The following DNAI4 variants were observed in gnomAD, a reference collection of about 807,000 sequenced individuals.
DNAI4 encodes the protein dynein axonemal intermediate chain 4.
DNAI4 carries 85 observed loss-of-function variants against 105.8 expected under a neutral mutation model. The ratio of observed to expected loss-of-function variants is 0.80; its 90% CI spans 0.67 to 0.96. DNAI4 has a LOEUF of 0.96. DNAI4 is among the 40% of genes least tolerant of loss of function. The pLI, the probability that DNAI4 is intolerant of heterozygous loss-of-function variation, is 0.00. For missense variants in DNAI4, 1,014 were observed against 1,005.6 expected (o/e 1.01, Z -0.11); for synonymous variants, 352 against 331.5 (o/e 1.06, Z -0.67).
At chr1:66,883,937 A>G (rs536191260) in intron 4 of DNAI4, among the ~76,000 whole-genome samples, 25 of 152,280 alleles carry the variant, frequency 1.6e-4, no homozygotes, top group African/African-American at 6.0e-4. Context: ...TTAAAAAAAC[A>G]TACTTCTCCT....
At chr1:66,873,316 A>C (rs1569692165) in intron 5 of DNAI4, among the ~76,000 whole-genome samples, 1 of 148,036 alleles carries the variant, frequency 6.8e-6, no homozygotes. Context: ...AACACAGCTC[A>C]CTGCAGCCAC....
At chr1:66,873,802 C>T (rs565258983) in intron 5 of DNAI4, among the ~76,000 whole-genome samples, 3 of 151,710 alleles carry the variant, frequency 2.0e-5, no homozygotes, top group African/African-American at 7.3e-5. Flanking sequence ...AGCATTTCTC[C>T]CCTTCTGATT....
At chr1:66,915,423 A>G in intron 1 of DNAI4, among the ~76,000 whole-genome samples, 1 of 152,220 alleles carries the variant, frequency 6.6e-6, no homozygotes, top group Non-Finnish European at 1.5e-5. Context: ...TCTCAGTTAT[A>G]ATTTTGCAAT....
chr1:66,871,357 T>C lies in DNAI4; in HGVS notation c.940+13A>G, dbSNP rs1284471637. On this transcript the variant is annotated intron_variant, in intron 6 of 16. Transcript: ENST00000371026. ...GAACATTATAGTTTATCAAGCAGAATGATAGAAATTACCTTTATCTTCCAT... is the reference window on the plus strand; with the variant it reads ...GAACATTATAGTTTATCAAGCAGAACGATAGAAATTACCTTTATCTTCCAT... 6.3e-7 allele frequency: 1 copy of C among 1,596,672 alleles called. No homozygotes were observed. Among genetic ancestry groups the C allele is most frequent in the Non-Finnish European group, 8.5e-7 (1 of 1,170,884 alleles).
chr1:66,847,717 A>G (rs1263673544), intron 7 of DNAI4, 39 bp from the exon 8 acceptor site: 12 of 1,429,032 alleles, frequency 8.4e-6, no homozygotes, highest in Non-Finnish European at 1.2e-5. Flanking sequence ...AAAATATTCA[A>G]ATGGATGGTT....
At chr1:66,862,549 T>C (rs1322336204) in intron 6 of DNAI4, among the ~76,000 whole-genome samples, 1 of 152,172 alleles carries the variant, frequency 6.6e-6, no homozygotes, top group Admixed American at 6.6e-5. Flanking sequence ...GACAACATGG[T>C]AAGACCCTCT....
chr1:66,883,906 C>T (rs1424838728), intron 4 of DNAI4, among the ~76,000 whole-genome samples: 1 of 152,064 alleles, frequency 6.6e-6, no homozygotes, highest in Non-Finnish European at 1.5e-5. Context: ...ACTATATTTA[C>T]CACATTATGC....
Position 66,822,471 on chromosome 1 carries a change from T to C in DNAI4, c.2386A>G (p.Thr796Ala). 1 of 1,612,822 alleles carries C rather than the reference T, an allele frequency of 6.2e-7. No homozygotes were observed. Among genetic ancestry groups the C allele is most frequent in the South Asian group, 1.1e-5 (1 of 90,850 alleles). ...GTTTGTTTGGCAAAGAGAATGGTTG[T>C]GAACTTGATTCCAGGGTTAGCAGTA... ...VNTANPGIKF[T>A]TILFAKQTDC... Residue 796 changes from threonine (T) to alanine (A), a missense_variant, in exon 16 of 17, where the codon ACA becomes GCA. By Grantham distance (58) the Thr-to-Ala change is moderately conservative. Transcript: ENST00000371026.
chr1:66,847,762 T>A, intron 7 of DNAI4, 84 bp from the exon 8 acceptor site: 1 of 1,120,774 alleles, frequency 8.9e-7, no homozygotes, highest in Non-Finnish European at 1.3e-6. Context: ...TGACATTTCA[T>A]CATTTGTATT....
intron 4 of DNAI4, among the ~76,000 whole-genome samples, chr1:66,879,981 G>A (rs1361878859): frequency 4.7e-5 from 7 of 149,918 alleles, no homozygotes; most frequent in Admixed American, 2.0e-4. Context: ...AATTAAGGGG[G>A]TGGGTCTTTC....
At position 66,834,136 on chromosome 1, in the gene DNAI4, T is replaced by C. The variant is rs369052474; in HGVS notation, c.1746A>G (p.Gln582=). The C allele has an allele frequency of 4.4e-6, 7 of 1,602,704 alleles. No homozygotes were observed. The African/African-American group carries it at 9.4e-5, about 22-fold the overall frequency. The change falls in exon 12 of 17, where the codon CAA becomes CAG. Residue 582 remains glutamine (Q), a synonymous_variant. Transcript: ENST00000371026. ...VPVLDSSESP[Q]KHLGPVWQLQ... The stretch of plus-strand genomic sequence containing the variant: ...GTTGCCATACAGGTCCCAAATGTTT[T>C]TGAGGTGATTCACTAAAACAGTAAA...
At chr1:66,842,892 C>T (rs897035419) in intron 8 of DNAI4, among the ~76,000 whole-genome samples, 1 of 151,940 alleles carries the variant, frequency 6.6e-6, no homozygotes, top group Non-Finnish European at 1.5e-5. Context: ...ATTTGCAATT[C>T]CCTAATGAAA....
intron 1 of DNAI4, among the ~76,000 whole-genome samples, chr1:66,916,122 T>C (rs1650055636): frequency 2.1e-5 from 3 of 145,598 alleles, no homozygotes. Context: ...ATGGTAAATT[T>C]AGTCCTAAAA....
chr1:66,887,421 G>A (rs538050744), intron 4 of DNAI4, among the ~76,000 whole-genome samples: 8 of 152,170 alleles, frequency 5.3e-5, no homozygotes, highest in Non-Finnish European at 8.8e-5. Context: ...CTCTCTACAT[G>A]TAAGAACAGA....
intron 7 of DNAI4, 165 bp from the exon 8 acceptor site, chr1:66,847,843 A>T: frequency 3.4e-6 from 2 of 584,748 alleles, no homozygotes; most frequent in Non-Finnish European, 2.9e-6. Context: ...CACATGAAAG[A>T]TGCACATATC....
intron 1 of DNAI4, among the ~76,000 whole-genome samples, chr1:66,917,774 G>A (rs940957413): frequency 1.9e-4 from 29 of 152,226 alleles, no homozygotes; most frequent in African/African-American, 6.0e-4. Flanking sequence ...ATTTGCACAA[G>A]TGCAATAAGA....
intron 13 of DNAI4, among the ~76,000 whole-genome samples, chr1:66,829,073 G>T (rs1417973049): frequency 6.6e-6 from 1 of 152,138 alleles, no homozygotes; most frequent in South Asian, 2.1e-4. Flanking sequence ...CAGTTGAGCC[G>T]TGACGCAGTT....
At chr1:66,865,592 C>T (rs987188090) in intron 6 of DNAI4, among the ~76,000 whole-genome samples, 12 of 152,124 alleles carry the variant, frequency 7.9e-5, no homozygotes, top group African/African-American at 2.9e-4. Context: ...AAATCTGCAA[C>T]TAAATGGACT....
chr1:66,879,531 C>A (rs139696234), intron 4 of DNAI4, among the ~76,000 whole-genome samples: 2 of 152,264 alleles, frequency 1.3e-5, no homozygotes, highest in East Asian at 3.9e-4. Context: ...ATTTTCAGTT[C>A]ATTTGGGTAA....
Sources: gnomAD v4.1 joint callset for allele counts (sites outside exome capture counted in the v4.1 genomes callset) on GRCh38, gnomAD v4.1.1 for gene constraint, MANE v1.5 for transcripts, NCBI Gene and HGNC (gene_info 2026-07-23, HGNC 2026-07-21) for gene names.